Variants in SNX6 observed in about 807,000 individuals in gnomAD.
The protein encoded by SNX6 is sorting nexin-6.
SNX6 carries 34 observed loss-of-function variants against 63.0 expected under a neutral mutation model. That is an observed-to-expected ratio of 0.54 (90% CI 0.41 to 0.72). The LOEUF (loss-of-function observed/expected upper bound fraction) is 0.72, where lower values mean the gene tolerates loss of function less well. SNX6 is among the 30% of genes least tolerant of loss of function. The pLI, the probability that SNX6 is intolerant of heterozygous loss-of-function variation, is 0.00. For synonymous variants in SNX6, 170 were observed against 164.2 expected, an observed-to-expected ratio of 1.04 and a Z score of -0.27; for missense variants, 398 against 471.4, an observed-to-expected ratio of 0.84 and a Z score of 1.44.
chr14:34,567,285 G>A (rs979777805), intron 13 of SNX6, among the ~76,000 whole-genome samples: 5 of 151,786 alleles, frequency 3.3e-5, no homozygotes, highest in Non-Finnish European at 5.9e-5. Context: ...ACGGGATTTC[G>A]AGATAAGCCT....
chr14:34,605,753 T>A, intron 4 of SNX6, 36 bp from the exon 5 acceptor site: 1 of 1,582,350 alleles, frequency 6.3e-7, no homozygotes. Context: ...TTAAGGAAAT[T>A]TTCATTTCTT....
At chr14:34,564,076 A>G (rs138271253) in intron 13 of SNX6, among the ~76,000 whole-genome samples, 22 of 152,184 alleles carry the variant, frequency 1.4e-4, no homozygotes, top group African/African-American at 5.3e-4. Flanking sequence ...CACCCAGACT[A>G]AAGTGCAGTG....
intron 9 of SNX6, 47 bp from the exon 10 acceptor site, chr14:34,581,647 T>G: frequency 8.2e-7 from 1 of 1,221,036 alleles, no homozygotes; most frequent in Non-Finnish European, 1.2e-6. Context: ...AAAGTAATTT[T>G]CCATTTCAAA....
intron 7 of SNX6, among the ~76,000 whole-genome samples, chr14:34,593,810 C>G (rs1882497064): frequency 6.6e-6 from 1 of 151,754 alleles, no homozygotes; most frequent in Non-Finnish European, 1.5e-5. Flanking sequence ...GAACTCCTCA[C>G]CTCATGATCC....
chr14:34,618,874 T>C (rs926213409), intron 2 of SNX6, among the ~76,000 whole-genome samples: 78 of 152,306 alleles, frequency 5.1e-4, no homozygotes, highest in African/African-American at 1.7e-3. Context: ...CCCTCATTTT[T>C]CTTCATAATG....
At chr14:34,599,631 G>C (rs61259629) in intron 6 of SNX6, among the ~76,000 whole-genome samples, 1 of 151,324 alleles carries the variant, frequency 6.6e-6, no homozygotes, top group East Asian at 1.9e-4. Context: ...AAAATTAGCC[G>C]GGCATGGTGA....
chr14:34,600,137 C>T (rs996815331), intron 6 of SNX6, among the ~76,000 whole-genome samples: 1 of 152,042 alleles, frequency 6.6e-6, no homozygotes, highest in Non-Finnish European at 1.5e-5. Flanking sequence ...TTTCTTTTCT[C>T]TTTTTTCTCT....
At chr14:34,603,570 T>C in intron 5 of SNX6, 99 bp from the exon 6 acceptor site, 1 of 994,316 alleles carries the variant, frequency 1.0e-6, no homozygotes, top group Non-Finnish European at 1.4e-6. Context: ...TTATTCCGAA[T>C]GCAAATCAGA....
In SNX6 at chr14:34,563,183, A is replaced by G; in HGVS notation, c.1168-8T>C. ...CAGCAACTGTAGATTACCCTAAAAA[A>G]GGAAGAAAAAATAAATTACAAATTT... On this transcript the variant is annotated splice_polypyrimidine_tract_variant and splice_region_variant and intron_variant, in intron 13 of 13. Transcript: ENST00000362031. 1.2e-6 allele frequency: 2 copies of G among 1,612,014 alleles called. No individual in the cohort carries two copies. The highest frequency in any genetic ancestry group is 1.1e-5 in the South Asian group (1 of 90,698).
At chr14:34,576,510 G>A (rs551645795) in intron 10 of SNX6, among the ~76,000 whole-genome samples, 12 of 150,766 alleles carry the variant, frequency 8.0e-5, no homozygotes, top group African/African-American at 2.2e-4. Context: ...ATGCAGTGGC[G>A]CAATCTCGGC....
intron 2 of SNX6, among the ~76,000 whole-genome samples, chr14:34,623,331 G>T (rs1425994605): frequency 6.6e-6 from 1 of 152,038 alleles, no homozygotes; most frequent in Non-Finnish European, 1.5e-5. Flanking sequence ...ACGTACTTGG[G>T]CAATGGGGAG....
chr14:34,610,188 G>GAAAAAAAA (rs751086426), intron 2 of SNX6, among the ~76,000 whole-genome samples: 1 of 132,890 alleles, frequency 7.5e-6, no homozygotes, highest in African/African-American at 2.9e-5. Context: ...TACAGAAATT[G>GAAAAAAAA]AAAAAAAAAA....
At chr14:34,629,844 CG>C in intron 2 of SNX6, 62 bp downstream of exon 2, 2 of 1,547,046 alleles carry the variant, frequency 1.3e-6, no homozygotes, top group Non-Finnish European at 1.7e-6. Flanking sequence ...GTACCACACC[CG>C]GGGACCCAGG....
In SNX6 at chr14:34,593,077, G is replaced by A. The variant is rs1276910496; in HGVS notation, c.686C>T (p.Ala229Val). The change falls in exon 8 of 14, where the codon GCT (alanine) becomes GTT (valine). Residue 229 changes from alanine (A) to valine (V), a missense_variant. Ala to Val is a moderately conservative substitution (Grantham distance 64). Transcript: ENST00000362031. ...GGATCTTGTCATTCTATCAGATTTA[G>A]CAGATGCATCCTTAACTCGGTTATG... ...EYHNRVKDAS[A>V]KSDRMTRSHK... 6.2e-7 allele frequency: 1 copy of A among 1,607,734 alleles called. No individual in the cohort carries two copies. Among genetic ancestry groups the A allele is most frequent in the Admixed American group, 1.7e-5 (1 of 58,416 alleles).
intron 9 of SNX6, 98 bp downstream of exon 9, chr14:34,586,132 A>C: frequency 1.6e-6 from 1 of 608,694 alleles, no homozygotes; most frequent in Non-Finnish European, 2.9e-6. Flanking sequence ...TGAACTCCTG[A>C]CCTCTTAATC....
chr14:34,592,390 A>G (rs1337379273), intron 8 of SNX6, among the ~76,000 whole-genome samples: 1 of 151,294 alleles, frequency 6.6e-6, no homozygotes, highest in Non-Finnish European at 1.5e-5. Context: ...GTCTCAAAGA[A>G]AAAAAAAAGA....
intron 2 of SNX6, among the ~76,000 whole-genome samples, chr14:34,626,427 G>T (rs74594104): frequency 0.15 from 22,105 of 151,342 alleles, 1,715 homozygotes; most frequent in East Asian, 0.17. Flanking sequence ...GGCCGAGGCA[G>T]GCAGATCACA....
intron 7 of SNX6, among the ~76,000 whole-genome samples, chr14:34,595,971 G>A (rs1490435918): frequency 6.6e-6 from 1 of 152,148 alleles, no homozygotes; most frequent in Non-Finnish European, 1.5e-5. Context: ...TGTAATCCCA[G>A]CACTTTGGGA....
chr14:34,598,538 T>G (rs1379196388), intron 6 of SNX6, among the ~76,000 whole-genome samples: 1 of 152,168 alleles, frequency 6.6e-6, no homozygotes, highest in East Asian at 1.9e-4. Flanking sequence ...ACCACAGGCA[T>G]GTACCATCAT....
Sources: allele counts gnomAD v4.1 joint callset (sites outside exome capture counted in the v4.1 genomes callset), GRCh38; gene constraint gnomAD v4.1.1; transcripts MANE v1.5; gene names NCBI Gene and HGNC (gene_info 2026-07-23, HGNC 2026-07-21).